Variants in EHD4 observed in about 807,000 individuals in gnomAD.
The protein encoded by EHD4 is EH domain-containing protein 4.
A neutral mutation model predicts 51.0 loss-of-function variants in EHD4; 37 were observed. The observed-to-expected ratio is 0.73, with a 90% CI of 0.56 to 0.95. The LOEUF is 0.95. EHD4 is among the 40% of genes least tolerant of loss of function. The probability of loss-of-function intolerance (pLI) is 0.00; values close to 1 mark genes in which losing one functional copy is unlikely to be tolerated. For synonymous variants in EHD4, 297 were observed against 317.3 expected (o/e 0.94, Z 0.68); for missense variants, 632 against 733.1 (o/e 0.86, Z 1.59).
intron 5 of EHD4, among the ~76,000 whole-genome samples, chr15:41,905,132 C>T (rs2067504166): frequency 1.3e-5 from 2 of 152,244 alleles, no homozygotes; most frequent in Non-Finnish European, 2.9e-5. Flanking sequence ...TAGACTTTAA[C>T]AGCCTCAGGG....
intron 2 of EHD4, among the ~76,000 whole-genome samples, chr15:41,952,971 C>T (rs1285887488): frequency 9.2e-6 from 1 of 108,890 alleles, no homozygotes; most frequent in Non-Finnish European, 1.7e-5. Context: ...GCCTGGGAGA[C>T]AGAATGAGAC....
intron 1 of EHD4, among the ~76,000 whole-genome samples, chr15:41,958,751 C>CT (rs2067904613): frequency 1.3e-5 from 2 of 152,060 alleles, no homozygotes; most frequent in East Asian, 3.9e-4. Flanking sequence ...ATACCTAACG[C>CT]TTGAGGACTC....
intron 2 of EHD4, among the ~76,000 whole-genome samples, chr15:41,951,941 T>C (rs1426049839): frequency 6.6e-6 from 1 of 152,342 alleles, no homozygotes; most frequent in Admixed American, 6.5e-5. Context: ...CCTATCACCA[T>C]CAGTAATAAG....
chr15:41,951,284 TA>T (rs1396524720), intron 2 of EHD4, among the ~76,000 whole-genome samples: 3 of 152,240 alleles, frequency 2.0e-5, no homozygotes, highest in Non-Finnish European at 4.4e-5. Context: ...AAATGCCATA[TA>T]ATTATTTGCT....
At chr15:41,937,751 T>C (rs377387988) in intron 3 of EHD4, among the ~76,000 whole-genome samples, 1 of 152,206 alleles carries the variant, frequency 6.6e-6, no homozygotes, top group Admixed American at 6.5e-5. Context: ...GCATTTGTAC[T>C]TCCCTGATTG....
At chr15:41,950,282 C>G (rs1353963422) in intron 2 of EHD4, among the ~76,000 whole-genome samples, 2 of 152,202 alleles carry the variant, frequency 1.3e-5, no homozygotes, top group African/African-American at 4.8e-5. Flanking sequence ...CTCCAGGTAT[C>G]ACCTGGTACT....
chr15:41,933,259 C>T (rs1377906638), intron 3 of EHD4, among the ~76,000 whole-genome samples: 1 of 152,176 alleles, frequency 6.6e-6, no homozygotes, highest in Non-Finnish European at 1.5e-5. Flanking sequence ...GCCTGCCTGC[C>T]GGGCACAGGT....
Position 41,901,155 on chromosome 15 carries a change from G to A in EHD4, c.1116C>T (p.Thr372=). 5 of 1,567,616 alleles carry A rather than the reference G, an allele frequency of 3.2e-6. No homozygotes were observed. Among genetic ancestry groups the A allele is most frequent in the Non-Finnish European group, 2.6e-6 (3 of 1,158,606 alleles). Residue 372 remains threonine (T), a synonymous_variant, in exon 6 of 6, where the codon ACC becomes ACT. Transcript: ENST00000220325. ...MQEQLENYDF[T]KFHSLKPKLI... ...GCTTGGGCTTCAGCGAGTGGAATTT[G>A]GTGAAGTCATAGTTCTCAAGCTGTT...
chr15:41,911,080 C>A (rs1233164060), intron 4 of EHD4, among the ~76,000 whole-genome samples: 1 of 152,138 alleles, frequency 6.6e-6, no homozygotes, highest in Non-Finnish European at 1.5e-5. Flanking sequence ...CAGCTGAGGG[C>A]CCGTGTGTGG....
chr15:41,945,024 A>G (rs1040699084), intron 2 of EHD4, among the ~76,000 whole-genome samples: 1 of 152,172 alleles, frequency 6.6e-6, no homozygotes, highest in African/African-American at 2.4e-5. Flanking sequence ...CCATTATTCA[A>G]TTCTCTAGAA....
rs79815036 is a variant in EHD4, at chr15:41,950,725, A to T, written c.413+3039T>A. On this transcript the variant is annotated intron_variant, in intron 2 of 5. Coordinates refer to ENST00000220325, the MANE Select transcript of EHD4 (RefSeq NM_139265.4). ...CACACACTTGGCTAGAAGGACAGAAACTCCTCTTGGCCGATGCTGAGCAGA... is the reference window on the plus strand; with the variant it reads ...CACACACTTGGCTAGAAGGACAGAATCTCCTCTTGGCCGATGCTGAGCAGA... Among the ~76,000 whole-genome samples the T allele has an allele frequency of 9.1e-3, 1,383 of 151,958 alleles. 92 individuals are homozygous for T. In the East Asian group the frequency reaches 0.16, roughly 18 times the overall value.
At chr15:41,922,910 G>A (rs1021826265) in intron 3 of EHD4, among the ~76,000 whole-genome samples, 1 of 152,168 alleles carries the variant, frequency 6.6e-6, no homozygotes, top group Non-Finnish European at 1.5e-5. Context: ...AGGTGTAAGA[G>A]GACGGTCTGT....
chr15:41,912,460 T>C (rs1168545581), intron 4 of EHD4, among the ~76,000 whole-genome samples: 2 of 152,136 alleles, frequency 1.3e-5, no homozygotes, highest in Non-Finnish European at 2.9e-5. Context: ...TTTGGGAGGC[T>C]GAGGCAGGTG....
In EHD4 at chr15:41,898,000, G is replaced by T. The variant is rs565645822; in HGVS notation, c.*2645C>A. On this transcript the variant is annotated 3_prime_UTR_variant, in exon 6 of 6. Transcript: ENST00000220325. ...AGCTGGTGGTGTGGACACATTCACA[G>T]AACTTTGTACTGGTCCTGGGAAGAT... is the stretch of plus-strand genomic sequence containing the variant. 2 of 152,364 alleles carry T rather than the reference G, an allele frequency of 1.3e-5. No individual in the cohort carries two copies. Among genetic ancestry groups the T allele is most frequent in the East Asian group, 3.9e-4 (2 of 5,184 alleles). The allele number at this position is 152,364 out of a possible 1,614,324, so 9.4% of individuals were successfully genotyped here.
At chr15:41,903,329 T>TA (rs10622699) in intron 5 of EHD4, among the ~76,000 whole-genome samples, 1,949 of 136,060 alleles carry the variant, frequency 0.014, 55 homozygotes, top group African/African-American at 0.043. Context: ...TGCTTTCTTG[T>TA]AAAAAAAAAA....
intron 5 of EHD4, among the ~76,000 whole-genome samples, chr15:41,902,839 G>GTA (rs10625943): frequency 0.5 from 73,832 of 146,642 alleles, 19,524 homozygotes; most frequent in East Asian, 0.89. Flanking sequence ...ATATACATAT[G>GTA]TATATATATA....
chr15:41,954,561 A>T (rs2067874414), intron 1 of EHD4, among the ~76,000 whole-genome samples: 1 of 152,326 alleles, frequency 6.6e-6, no homozygotes. Flanking sequence ...GCCAAATACA[A>T]TTTTTCCATC....
chr15:41,945,097 T>C (rs1483682665), intron 2 of EHD4, among the ~76,000 whole-genome samples: 3 of 152,202 alleles, frequency 2.0e-5, no homozygotes, highest in African/African-American at 4.8e-5. Context: ...CAGGAATGAT[T>C]GTCTCTCAGT....
At chr15:41,912,903 A>T (rs2067559673) in intron 4 of EHD4, among the ~76,000 whole-genome samples, 2 of 152,170 alleles carry the variant, frequency 1.3e-5, no homozygotes, top group Non-Finnish European at 2.9e-5. Context: ...TAAAGAACTA[A>T]TGACTCCCTG....
Sources: gnomAD v4.1 joint callset for allele counts (sites outside exome capture counted in the v4.1 genomes callset) on GRCh38, gnomAD v4.1.1 for gene constraint, MANE v1.5 for transcripts, NCBI Gene and HGNC (gene_info 2026-07-23, HGNC 2026-07-21) for gene names.